Variants in MSR1 observed in about 807,000 individuals in gnomAD.
The protein encoded by MSR1 is macrophage scavenger receptor 1.
A neutral mutation model predicts 47.2 loss-of-function variants in MSR1; 53 were observed. The observed-to-expected ratio is 1.12, with a 90% confidence interval of 0.90 to 1.41. MSR1 has a LOEUF of 1.41. MSR1 is among the 40% of genes most tolerant of loss of function. MSR1 has a pLI of 0.00. For missense variants in MSR1, 786 were observed against 546.9 expected, an observed-to-expected ratio of 1.44 and a Z score of -4.36; for synonymous variants, 239 against 185.6, an observed-to-expected ratio of 1.29 and a Z score of -2.34.
At chr8:16,176,160 T>C (rs1438545719) in intron 2 of MSR1, among the ~76,000 whole-genome samples, 1 of 152,306 alleles carries the variant, frequency 6.6e-6, no homozygotes, top group South Asian at 2.1e-4. Context: ...AAAAACAAAC[T>C]TTTTTATTTT....
intron 4 of MSR1, among the ~76,000 whole-genome samples, chr8:16,166,364 T>C (rs1479590227): frequency 6.6e-6 from 1 of 151,356 alleles, no homozygotes; most frequent in Non-Finnish European, 1.5e-5. Context: ...GGTTTCACTA[T>C]GTTGGCCAGA....
At chr8:16,125,773 A>T (rs978680308) in intron 8 of MSR1, among the ~76,000 whole-genome samples, 2 of 152,048 alleles carry the variant, frequency 1.3e-5, no homozygotes, top group Non-Finnish European at 2.9e-5. Context: ...AATTTTTAAA[A>T]GTTTTTCTTT....
rs139101301 is a variant in MSR1 at position 16,113,639 on chromosome 8, T to C, written c.1223-3421A>G. Among the ~76,000 whole-genome samples the C allele has an allele frequency of 3.5e-3, 532 of 152,274 alleles. 3 individuals carry two copies. Among genetic ancestry groups the C allele is most frequent in the African/African-American group, 0.012 (502 of 41,572 alleles). On this transcript the variant is annotated intron_variant, in intron 9 of 9. Transcript: ENST00000262101. ...TCAATATAGCCTATAGTTTGGATTGTAGTTTTGTGCTTATAGAGAAACCAC... is the reference window on the plus strand; with the variant it reads ...TCAATATAGCCTATAGTTTGGATTGCAGTTTTGTGCTTATAGAGAAACCAC...
chr8:16,126,033 TATAA>T (rs1800120652), intron 8 of MSR1, among the ~76,000 whole-genome samples: 1 of 152,150 alleles, frequency 6.6e-6, no homozygotes, highest in Admixed American at 6.5e-5. Flanking sequence ...AGCTATTTAT[TATAA>T]ATATTATTTC....
intron 4 of MSR1, 114 bp from the exon 5 acceptor site, chr8:16,164,365 T>C: frequency 1.2e-6 from 1 of 812,552 alleles, no homozygotes; most frequent in Non-Finnish European, 2.0e-6. Flanking sequence ...GGGAGTTTTA[T>C]GGAATAAGAA....
chr8:16,157,003 G>C (rs1023077170), intron 5 of MSR1, among the ~76,000 whole-genome samples: 3 of 151,964 alleles, frequency 2.0e-5, no homozygotes, highest in Non-Finnish European at 4.4e-5. Context: ...AAGCAGGACA[G>C]ACACTCAATT....
In MSR1 at chr8:16,120,435, G is replaced by A. The variant is rs1021942681; in HGVS notation, c.1205C>T (p.Ala402Val). The change falls in exon 9 of 10, where the codon GCA (alanine) becomes GTA (valine). Residue 402 changes from alanine to valine, a missense_variant. Coordinates refer to ENST00000262101, the MANE Select transcript of MSR1 (RefSeq NM_138715.3). ...TAAATTACCTTGTCCAAAGTGAGCT[G>A]CCTTGTGCACGGCTTGAACACCTGG... ...GYPGVQAVHK[A>V]AHFGQGTGPI... 21 of 1,613,688 alleles carry A rather than the reference G, an allele frequency of 1.3e-5. No homozygotes were observed. The highest frequency in any genetic ancestry group is 1.6e-5 in the Non-Finnish European group (19 of 1,179,898).
chr8:16,131,365 T>G (rs1042716756), intron 8 of MSR1, among the ~76,000 whole-genome samples: 1 of 151,992 alleles, frequency 6.6e-6, no homozygotes, highest in African/African-American at 2.4e-5. Context: ...TTACAGATTC[T>G]GGATATTAGA....
At chr8:16,142,449 T>C (rs1800584415) in intron 8 of MSR1, among the ~76,000 whole-genome samples, 1 of 152,130 alleles carries the variant, frequency 6.6e-6, no homozygotes, top group African/African-American at 2.4e-5. Context: ...TCTATTGTTT[T>C]AATATAACAG....
chr8:16,160,853 A>C (rs531778651), intron 5 of MSR1, among the ~76,000 whole-genome samples: 5 of 151,968 alleles, frequency 3.3e-5, no homozygotes, highest in Admixed American at 2.6e-4. Context: ...TGACAGAGGG[A>C]AGATTGAGAA....
At position 16,139,211 on chromosome 8, in the gene MSR1, T is replaced by C. The variant is rs569881184; in HGVS notation, c.1033+4347A>G. ...CATGACATTTATTCAGCTTCTTGCA[T>C]TTTCATTTTGCTTTCACTCCTATTC... is the stretch of plus-strand genomic sequence containing the variant. On this transcript the variant is annotated intron_variant, in intron 8 of 9. Coordinates refer to ENST00000262101, the MANE Select transcript of MSR1 (RefSeq NM_138715.3). The C allele has an allele frequency of 6.3e-6, 6 of 945,596 alleles. No homozygotes were observed. In the South Asian group the frequency reaches 2.4e-4, roughly 38 times the overall value. 58.6% of individuals were successfully genotyped at this position (945,596 alleles called of 1,614,324 possible). A position where few individuals can be genotyped will look rare whatever the true frequency, so the allele number is the denominator to read the frequency against.
At chr8:16,168,972 T>C in intron 3 of MSR1, 102 bp from the exon 4 acceptor site, 1 of 1,208,484 alleles carries the variant, frequency 8.3e-7, no homozygotes, top group Non-Finnish European at 1.2e-6. Context: ...TTCCATTCCA[T>C]TCCAACATTT....
At chr8:16,190,081 T>G (rs575655106) in intron 1 of MSR1, among the ~76,000 whole-genome samples, 127 of 151,836 alleles carry the variant, frequency 8.4e-4, no homozygotes, top group African/African-American at 2.9e-3. Flanking sequence ...GCCCAGCTCA[T>G]TTTTGTATTT....
chr8:16,184,841 T>A (rs1446080458), intron 1 of MSR1, among the ~76,000 whole-genome samples: 3 of 152,240 alleles, frequency 2.0e-5, no homozygotes, highest in African/African-American at 7.2e-5. Flanking sequence ...TAATAAATAT[T>A]TTGTGGATTA....
At chr8:16,147,491 T>A (rs866965049) in intron 7 of MSR1, among the ~76,000 whole-genome samples, 1 of 152,142 alleles carries the variant, frequency 6.6e-6, no homozygotes, top group Non-Finnish European at 1.5e-5. Context: ...ATTCACATAG[T>A]CCAGGCTGTG....
intron 8 of MSR1, among the ~76,000 whole-genome samples, chr8:16,136,721 G>A (rs530500828): frequency 2.0e-5 from 3 of 152,068 alleles, no homozygotes; most frequent in African/African-American, 7.2e-5. Context: ...TCCTGCCTCA[G>A]CCTCTCAAGT....
chr8:16,168,807 GTT>G lies in MSR1; in HGVS notation c.279_280del (p.Thr94SerfsTer9), dbSNP rs749295793. The G allele has an allele frequency of 3.7e-5, 60 of 1,613,924 alleles. No homozygotes were observed. The African/African-American group carries it at 6.7e-4, about 18-fold the overall frequency. On this transcript the variant is annotated frameshift_variant, in exon 4 of 10. Coordinates refer to ENST00000262101, the MANE Select transcript of MSR1 (RefSeq NM_138715.3). LOFTEE classifies it high-confidence loss of function. ...ATTTCCTTTTCCCGTGAGACTTTGA[GTT>G]ATATCATTTGCATTAGTTGAACTAA...
In MSR1 at chr8:16,110,022, G is replaced by C; in HGVS notation, c.*63C>G. Reference sequence around the variant, plus strand: ...AATATTGATTAAATGGATTTTACAGGAACAAGGTAATAAAATCATTTTTGA... The same window carrying C: ...AATATTGATTAAATGGATTTTACAGCAACAAGGTAATAAAATCATTTTTGA... On this transcript the variant is annotated 3_prime_UTR_variant, in exon 10 of 10. Transcript: ENST00000262101. The C allele has an allele frequency of 6.3e-7, 1 of 1,585,414 alleles. No homozygotes were observed. The highest frequency in any genetic ancestry group is 8.6e-7 in the Non-Finnish European group (1 of 1,156,316).
chr8:16,153,138 G>A (rs1006702995), intron 6 of MSR1, among the ~76,000 whole-genome samples: 50 of 152,042 alleles, frequency 3.3e-4, no homozygotes, highest in Admixed American at 2.9e-3. Context: ...AGGTGAGTTT[G>A]ACTTGGTCAA....
Sources: allele counts gnomAD v4.1 joint callset (sites outside exome capture counted in the v4.1 genomes callset), GRCh38; gene constraint gnomAD v4.1.1; transcripts MANE v1.5; gene names NCBI Gene and HGNC (gene_info 2026-07-23, HGNC 2026-07-21).